Variants in RASEF observed in about 807,000 individuals in gnomAD.
RASEF encodes RAS and EF-hand domain containing.
In RASEF, 68 loss-of-function variants were observed where a neutral mutation model predicts 90.1. That is an observed-to-expected ratio of 0.75 (90% CI 0.62 to 0.92). The LOEUF (loss-of-function observed/expected upper bound fraction) is 0.92, where lower values mean the gene tolerates loss of function less well. Ranked by LOEUF, RASEF falls within the 40% of genes least tolerant of loss-of-function variation. The pLI, the probability that RASEF is intolerant of heterozygous loss-of-function variation, is 0.00. For synonymous variants in RASEF, 331 were observed against 345.2 expected, an observed-to-expected ratio of 0.96 and a Z score of 0.46; for missense variants, 949 against 937.2, an observed-to-expected ratio of 1.01 and a Z score of -0.16.
Position 83,063,047 on chromosome 9 carries a change from C to G in RASEF, c.-180G>C, listed in dbSNP as rs977510788. On this transcript the variant is annotated 5_prime_UTR_variant, in exon 1 of 17. Transcript: ENST00000376447. ...GAACGTCGGGGGTGGCCGAGCGGCTCCCTTCGACGACGGTTCGGGCCAGCC... is the reference window on the plus strand; with the variant it reads ...GAACGTCGGGGGTGGCCGAGCGGCTGCCTTCGACGACGGTTCGGGCCAGCC... 6.3e-6 allele frequency: 4 copies of G among 639,260 alleles called. No individual in the cohort carries two copies. The highest frequency in any genetic ancestry group is 9.7e-6 in the Non-Finnish European group (4 of 411,958). 39.6% of individuals were successfully genotyped at this position (639,260 alleles called of 1,614,324 possible). A position where few individuals can be genotyped will look rare whatever the true frequency, so the allele number is the denominator to read the frequency against.
intron 1 of RASEF, among the ~76,000 whole-genome samples, chr9:83,042,252 G>A (rs1216906128): frequency 6.6e-6 from 1 of 152,118 alleles, no homozygotes; most frequent in Non-Finnish European, 1.5e-5. Context: ...ATAGAAAGTT[G>A]TCATAAAGTT....
the RASEF span, among the ~76,000 whole-genome samples, chr9:83,213,141 T>G: frequency 6.6e-5 from 10 of 151,128 alleles, no homozygotes; most frequent in Non-Finnish European, 1.5e-4. Flanking sequence ...GGCTCACATC[T>G]GTAATCTCAG....
the RASEF span, among the ~76,000 whole-genome samples, chr9:83,145,886 T>C: frequency 6.6e-6 from 1 of 152,082 alleles, no homozygotes; most frequent in East Asian, 1.9e-4. Context: ...TACTTTCCAT[T>C]AAGTAATATC....
the RASEF span, among the ~76,000 whole-genome samples, chr9:83,087,505 G>A: frequency 6.7e-6 from 1 of 149,460 alleles, no homozygotes; most frequent in Non-Finnish European, 1.5e-5. Context: ...GGCAATTTTG[G>A]TAGTTGATGT....
intron 1 of RASEF, among the ~76,000 whole-genome samples, chr9:83,059,137 T>A (rs139246892): frequency 6.6e-6 from 1 of 152,238 alleles, no homozygotes; most frequent in Non-Finnish European, 1.5e-5. Context: ...TTTATCAGCA[T>A]GAATCAATTC....
At chr9:83,185,211 C>T in the RASEF span, among the ~76,000 whole-genome samples, 129 of 151,990 alleles carry the variant, frequency 8.5e-4, 1 homozygote, top group Non-Finnish European at 1.5e-3. Context: ...AAAAATGCTT[C>T]GAAGACAAAG....
chr9:83,087,405 T>TTCATTCTCTCTCTCTC, the RASEF span, among the ~76,000 whole-genome samples: 2 of 115,532 alleles, frequency 1.7e-5, no homozygotes, highest in African/African-American at 6.7e-5. Flanking sequence ...TTCTCATTCA[T>TTCATTCTCTCTCTCTC]TCTCTCTCTC....
At chr9:83,047,749 T>C (rs1266417350) in intron 1 of RASEF, among the ~76,000 whole-genome samples, 9 of 152,162 alleles carry the variant, frequency 5.9e-5, no homozygotes, top group East Asian at 1.9e-4. Context: ...TAAACTGTCA[T>C]TGGGTCAAAA....
At chr9:83,151,249 T>A in the RASEF span, among the ~76,000 whole-genome samples, 1 of 152,204 alleles carries the variant, frequency 6.6e-6, no homozygotes. Flanking sequence ...CCTGGCTATA[T>A]CCTGGACAGA....
At chr9:82,989,442 T>A (rs1587475920) in intron 16 of RASEF, among the ~76,000 whole-genome samples, 1 of 152,160 alleles carries the variant, frequency 6.6e-6, no homozygotes, top group Non-Finnish European at 1.5e-5. Context: ...TTTTCCTTCC[T>A]GGATCCAGCA....
intron 1 of RASEF, among the ~76,000 whole-genome samples, chr9:83,042,308 T>G (rs569299757): frequency 4.6e-5 from 7 of 152,256 alleles, no homozygotes; most frequent in African/African-American, 1.7e-4. Context: ...CACAAAGCAG[T>G]AGTATTTGTT....
intron 1 of RASEF, 33 bp from the exon 2 acceptor site, chr9:83,025,954 T>G: frequency 6.6e-7 from 1 of 1,509,380 alleles, no homozygotes. Context: ...TTAAACCAAT[T>G]ATAAAATTTT....
chr9:83,083,573 CA>C, the RASEF span, among the ~76,000 whole-genome samples: 3 of 151,892 alleles, frequency 2.0e-5, no homozygotes, highest in African/African-American at 4.8e-5. Context: ...ACAAAAGAGG[CA>C]AAAAACCCAC....
intron 14 of RASEF, among the ~76,000 whole-genome samples, chr9:82,996,799 C>T (rs1047976967): frequency 3.3e-5 from 5 of 152,180 alleles, no homozygotes; most frequent in African/African-American, 1.2e-4. Context: ...CCAAAGCTCC[C>T]TTCATTAGTG....
the RASEF span, among the ~76,000 whole-genome samples, chr9:83,089,500 A>G: frequency 2.6e-5 from 4 of 152,096 alleles, no homozygotes; most frequent in Admixed American, 2.6e-4. Context: ...GCTATTGTTT[A>G]TCTGTGAATG....
chr9:83,178,098 C>A, the RASEF span, among the ~76,000 whole-genome samples: 2 of 152,180 alleles, frequency 1.3e-5, no homozygotes, highest in East Asian at 3.9e-4. Context: ...TTTTATCATT[C>A]TCACCGGCAA....
chr9:83,021,323 G>C (rs1209828625), intron 3 of RASEF, among the ~76,000 whole-genome samples: 2 of 152,122 alleles, frequency 1.3e-5, no homozygotes, highest in Non-Finnish European at 1.5e-5. Context: ...GCAAACTAAG[G>C]TCTCCCAGAT....
At chr9:83,158,496 T>C in the RASEF span, among the ~76,000 whole-genome samples, 1 of 150,932 alleles carries the variant, frequency 6.6e-6, no homozygotes, top group African/African-American at 2.4e-5. Context: ...CTGTGACATC[T>C]GCTAATCAGA....
intron 14 of RASEF, among the ~76,000 whole-genome samples, chr9:82,993,894 CTGAA>C (rs1341958578): frequency 6.6e-6 from 1 of 152,186 alleles, no homozygotes; most frequent in Non-Finnish European, 1.5e-5. Flanking sequence ...AAATGAAGGA[CTGAA>C]TGAAGGCATT....
Sources: gnomAD v4.1 joint callset for allele counts (sites outside exome capture counted in the v4.1 genomes callset) on GRCh38, gnomAD v4.1.1 for gene constraint, MANE v1.5 for transcripts, NCBI Gene and HGNC (gene_info 2026-07-23, HGNC 2026-07-21) for gene names.